The following PCTP variants were observed in gnomAD, a reference collection of about 807,000 sequenced individuals.
PCTP encodes the protein START domain-containing protein 2.
A neutral mutation model predicts 31.0 loss-of-function variants in PCTP; 27 were observed. The ratio of observed to expected loss-of-function variants is 0.87; its 90% CI spans 0.64 to 1.20. The LOEUF is 1.20. Ranked by LOEUF, PCTP falls within the 50% of genes most tolerant of loss-of-function variation. The pLI is 0.00. For missense variants in PCTP, 287 were observed against 268.2 expected (o/e 1.07, Z -0.49); for synonymous variants, 108 against 101.2 (o/e 1.07, Z -0.40).
chr17:55,837,370 A>T (rs1905813390), intron 5 of PCTP, among the ~76,000 whole-genome samples: 1 of 152,162 alleles, frequency 6.6e-6, no homozygotes, highest in African/African-American at 2.4e-5. Context: ...CTTAGATTGT[A>T]TTCGTACGGT....
At chr17:55,762,487 G>A (rs1910391488) in intron 1 of PCTP, among the ~76,000 whole-genome samples, 1 of 151,882 alleles carries the variant, frequency 6.6e-6, no homozygotes, top group Non-Finnish European at 1.5e-5. Context: ...TAGGATGACA[G>A]GGTTCAAATA....
At chr17:55,763,073 G>A (rs1910425415) in intron 1 of PCTP, among the ~76,000 whole-genome samples, 1 of 152,150 alleles carries the variant, frequency 6.6e-6, no homozygotes, top group South Asian at 2.1e-4. Context: ...TTTTCTGGAG[G>A]AGCTTCAGGA....
At position 55,774,775 on chromosome 17, in the gene PCTP, T is replaced by C; in HGVS notation, c.512-17T>C. ...TATTTTTCCTTTTTCTGAATTGTCC[T>C]TTCTTTCCCTCTCTAGTTTTCATGT... On this transcript the variant is annotated splice_polypyrimidine_tract_variant and intron_variant, in intron 4 of 5. Transcript: ENST00000268896. 6.3e-7 allele frequency: 1 copy of C among 1,598,790 alleles called. No individual in the cohort carries two copies. The highest frequency in any genetic ancestry group is 1.1e-5 in the South Asian group (1 of 90,756).
chr17:55,774,214 G>T (rs1198323735), intron 4 of PCTP, among the ~76,000 whole-genome samples: 2 of 152,146 alleles, frequency 1.3e-5, no homozygotes, highest in African/African-American at 4.8e-5. Flanking sequence ...GGATACATAC[G>T]CTGGGCCTAA....
the PCTP span, among the ~76,000 whole-genome samples, chr17:55,851,776 C>T: frequency 5.3e-5 from 8 of 152,172 alleles, no homozygotes; most frequent in Admixed American, 6.5e-5. Context: ...TATAACAAAC[C>T]CACATATATT....
intron 3 of PCTP, among the ~76,000 whole-genome samples, chr17:55,799,108 C>G (rs973066829): frequency 6.6e-6 from 1 of 151,666 alleles, no homozygotes; most frequent in Admixed American, 6.6e-5. Context: ...TGGACTAATG[C>G]AACAGCAGCT....
At chr17:55,792,283 G>C (rs1358418760) in intron 3 of PCTP, among the ~76,000 whole-genome samples, 1 of 148,690 alleles carries the variant, frequency 6.7e-6, no homozygotes, top group Non-Finnish European at 1.5e-5. Context: ...TTGTGCACAT[G>C]TACCCTAAAA....
chr17:55,754,921 C>T (rs113413710), intron 1 of PCTP, among the ~76,000 whole-genome samples: 10,023 of 151,448 alleles, frequency 0.066, 336 homozygotes, highest in Admixed American at 0.071. Flanking sequence ...ACACACACGC[C>T]GCCACACATA....
At chr17:55,772,919 C>T (rs1323177466) in intron 3 of PCTP, among the ~76,000 whole-genome samples, 1 of 152,166 alleles carries the variant, frequency 6.6e-6, no homozygotes, top group Admixed American at 6.5e-5. Flanking sequence ...ATACCAAACT[C>T]ACAGGGTCTT....
At chr17:55,759,381 T>C (rs1364538663) in intron 1 of PCTP, among the ~76,000 whole-genome samples, 1 of 152,210 alleles carries the variant, frequency 6.6e-6, no homozygotes, top group African/African-American at 2.4e-5. Context: ...TCACATTTTC[T>C]TAGAGAGGTC....
intron 5 of PCTP, among the ~76,000 whole-genome samples, chr17:55,832,053 C>T (rs886698105): frequency 3.9e-5 from 6 of 152,042 alleles, no homozygotes; most frequent in Admixed American, 6.5e-5. Context: ...CCAGCCTGGG[C>T]GACAGAACGA....
At chr17:55,847,946 A>G in the PCTP span, among the ~76,000 whole-genome samples, 2 of 151,940 alleles carry the variant, frequency 1.3e-5, no homozygotes, top group Non-Finnish European at 2.9e-5. Flanking sequence ...TTTTTGAGAC[A>G]GAGCCTCACT....
At chr17:55,800,861 T>G (rs1338940672) in intron 3 of PCTP, among the ~76,000 whole-genome samples, 1 of 152,148 alleles carries the variant, frequency 6.6e-6, no homozygotes, top group Non-Finnish European at 1.5e-5. Context: ...TTTGTTAGTT[T>G]TCCTTCTAAC....
In PCTP at chr17:55,771,301, C is replaced by T; in HGVS notation, c.339+116C>T. ...TCTCAGCAGGCACAGATAACATTGTCTCTGATTCTTGCAGCAGCATTTGCT... is the reference window on the plus strand; with the variant it reads ...TCTCAGCAGGCACAGATAACATTGTTTCTGATTCTTGCAGCAGCATTTGCT... On this transcript the variant is annotated intron_variant, in intron 3 of 5. Coordinates refer to ENST00000268896, the MANE Select transcript of PCTP (RefSeq NM_021213.4). 1.3e-5 allele frequency: 10 copies of T among 785,198 alleles called. No individual in the cohort carries two copies. The South Asian group carries it at 1.5e-4, about 12-fold the overall frequency. 48.6% of individuals were successfully genotyped at this position (785,198 alleles called of 1,614,324 possible).
intron 3 of PCTP, among the ~76,000 whole-genome samples, chr17:55,812,531 A>G (rs915006840): frequency 1.3e-5 from 2 of 152,238 alleles, no homozygotes; most frequent in African/African-American, 4.8e-5. Context: ...CATATCTTCA[A>G]AGAAAGCACC....
chr17:55,817,825 A>C (rs1053603344), intron 3 of PCTP, among the ~76,000 whole-genome samples: 2 of 152,208 alleles, frequency 1.3e-5, no homozygotes, highest in African/African-American at 4.8e-5. Context: ...ATCTGTCTAC[A>C]AGAGCTCATC....
chr17:55,795,966 G>C (rs866912057), intron 3 of PCTP, among the ~76,000 whole-genome samples: 2 of 152,018 alleles, frequency 1.3e-5, no homozygotes, highest in Admixed American at 6.6e-5. Context: ...GTTCAAAAAA[G>C]TGTTCTGGTG....
At chr17:55,816,899 G>T (rs1276166998) in intron 3 of PCTP, among the ~76,000 whole-genome samples, 1 of 152,186 alleles carries the variant, frequency 6.6e-6, no homozygotes, top group South Asian at 2.1e-4. Flanking sequence ...TTGGGGTAAA[G>T]ATCATATGCA....
chr17:55,767,574 C>G (rs948794308), intron 2 of PCTP, 122 bp downstream of exon 2: 1 of 552,540 alleles, frequency 1.8e-6, no homozygotes, highest in Non-Finnish European at 3.1e-6. Flanking sequence ...AAGCGATTCT[C>G]CTGCCTCAGC....
Sources: gnomAD v4.1 joint callset for allele counts (sites outside exome capture counted in the v4.1 genomes callset) on GRCh38, gnomAD v4.1.1 for gene constraint, MANE v1.5 for transcripts, NCBI Gene and HGNC (gene_info 2026-07-23, HGNC 2026-07-21) for gene names.